The following HS1BP3 variants were observed in gnomAD, a reference collection of about 807,000 sequenced individuals.
The protein encoded by HS1BP3 is HCLS1-binding protein 3.
In HS1BP3, 32 loss-of-function variants were observed where a neutral mutation model predicts 33.5. The ratio of observed to expected loss-of-function variants is 0.95; its 90% CI spans 0.72 to 1.28. The LOEUF (loss-of-function observed/expected upper bound fraction) is 1.28. Among genes scored for constraint, HS1BP3 ranks in the 50% most tolerant of loss-of-function variants. The pLI is 0.00. For missense variants in HS1BP3, 486 were observed against 502.3 expected (o/e 0.97, Z 0.31); for synonymous variants, 187 against 209.2 (o/e 0.89, Z 0.92).
At position 20,651,090 on chromosome 2, in the gene HS1BP3, C is replaced by T. The variant is rs1339750351; in HGVS notation, c.-27G>A. The T allele has an allele frequency of 2.4e-6, 3 of 1,228,700 alleles. No individual in the cohort carries two copies. The highest frequency in any genetic ancestry group is 1.6e-5 in the African/African-American group (1 of 64,396). The allele number at this position is 1,228,700 out of a possible 1,614,324, so 76.1% of individuals were successfully genotyped here. On this transcript the variant is annotated 5_prime_UTR_variant, in exon 1 of 7. Transcript: ENST00000304031. Reference sequence around the variant, plus strand: ...ACGGCGGCGGGGACTCCGGGCGGGGCGCGCAGTCACGGGACCCGGCAGTGC... The same window carrying T: ...ACGGCGGCGGGGACTCCGGGCGGGGTGCGCAGTCACGGGACCCGGCAGTGC...
At chr2:20,588,747 G>A (rs1341726732), downstream of HS1BP3, among the ~76,000 whole-genome samples, 2 of 152,214 alleles carry the variant, frequency 1.3e-5, no homozygotes, top group Non-Finnish European at 2.9e-5. Flanking sequence ...TGGCCTGTCA[G>A]TACCATCTCA....
the HS1BP3 span, among the ~76,000 whole-genome samples, chr2:20,554,897 A>C: frequency 1.7e-4 from 26 of 152,298 alleles, no homozygotes; most frequent in Non-Finnish European, 3.1e-4. Context: ...CACTGCCTTC[A>C]GGACAGAGCT....
At chr2:20,603,639 A>G (rs1694114606) in intron 2 of HS1BP3, among the ~76,000 whole-genome samples, 1 of 152,256 alleles carries the variant, frequency 6.6e-6, no homozygotes, top group Non-Finnish European at 1.5e-5. Context: ...TTTAGAAGTG[A>G]TGAAAATATA....
intron 2 of HS1BP3, among the ~76,000 whole-genome samples, chr2:20,642,036 C>T (rs1393120833): frequency 2.0e-5 from 3 of 152,220 alleles, no homozygotes; most frequent in Admixed American, 2.0e-4. Flanking sequence ...GGCACCTACC[C>T]TCACTCCTAG....
chr2:20,624,772 C>T lies in HS1BP3; in HGVS notation c.744G>A (p.Leu248=), dbSNP rs769617051. 66 of 1,612,410 alleles carry T rather than the reference C, an allele frequency of 4.1e-5. No individual in the cohort carries two copies. The highest frequency in any genetic ancestry group is 4.7e-5 in the Non-Finnish European group (55 of 1,179,090). ...CGTCCTCCGAGGGGTCCTGTGGAGA[C>T]AGCTTCCTGCCCGGGCCAAAGAGCC... is the stretch of plus-strand genomic sequence containing the variant. The part of the protein sequence containing the change: ...DEGLFGPGRK[L]SPQDPSEDVS... The change falls in exon 5 of 7, where the codon CTG becomes CTA. Residue 248 remains leucine (L), a synonymous_variant. Coordinates refer to ENST00000304031, the MANE Select transcript of HS1BP3 (RefSeq NM_022460.4).
chr2:20,606,265 G>A lies in HS1BP3; in HGVS notation c.179-8000C>T, dbSNP rs1369993623. On this transcript the variant is annotated intron_variant, in intron 2 of 3. Transcript: ENST00000415264. ...AAAGTTTTATTTTTCTAAATGTACA[G>A]TTGGTTGGACCTGTTCATGCGTCTT... The A allele has an allele frequency of 2.9e-5, 9 of 310,210 alleles. No individual in the cohort carries two copies. In the East Asian group the frequency reaches 3.0e-4, roughly 10 times the overall value. The allele number at this position is 310,210 out of a possible 1,614,324, so 19.2% of individuals were successfully genotyped here. A position where few individuals can be genotyped will look rare whatever the true frequency, so the allele number is the denominator to read the frequency against.
intron 4 of HS1BP3, among the ~76,000 whole-genome samples, chr2:20,627,827 A>G (rs1453575193): frequency 1.3e-5 from 2 of 152,144 alleles, no homozygotes; most frequent in East Asian, 1.9e-4. Context: ...GAGCGGCCCA[A>G]AACTTTCAGC....
At chr2:20,624,233 T>C (rs770475060) in intron 5 of HS1BP3, among the ~76,000 whole-genome samples, 2 of 152,104 alleles carry the variant, frequency 1.3e-5, no homozygotes, top group Non-Finnish European at 2.9e-5. Context: ...GCCCTCGGGA[T>C]AGGGACTAGG....
At chr2:20,635,620 T>C (rs894294583) in intron 4 of HS1BP3, 1 of 152,172 alleles carries the variant, frequency 6.6e-6, no homozygotes, top group Non-Finnish European at 1.5e-5. Flanking sequence ...CACCGTGACA[T>C]TCTAAAATAG....
chr2:20,575,740 G>A (rs1405022254), intron 5 of HS1BP3, among the ~76,000 whole-genome samples: 1 of 124,836 alleles, frequency 8.0e-6, no homozygotes, highest in Non-Finnish European at 1.7e-5. Flanking sequence ...TGGCAGCAAC[G>A]CCTCTGTCTC....
chr2:20,613,804 CA>C (rs766509205), downstream of HS1BP3, among the ~76,000 whole-genome samples: 11 of 152,236 alleles, frequency 7.2e-5, no homozygotes, highest in Admixed American at 1.3e-4. Context: ...AGGGATGGCA[CA>C]GGGGGCATGC....
chr2:20,634,400 G>T (rs185812161), intron 4 of HS1BP3, among the ~76,000 whole-genome samples: 2 of 152,240 alleles, frequency 1.3e-5, no homozygotes, highest in Admixed American at 6.5e-5. Context: ...GCTTTCAGTG[G>T]CCCAGAATCC....
chr2:20,598,168 A>G (rs1450520020), intron 3 of HS1BP3: 1 of 264,468 alleles, frequency 3.8e-6, no homozygotes, highest in Non-Finnish European at 8.2e-6. Context: ...TTCTATTATT[A>G]TTACGTTGTA....
In HS1BP3 at chr2:20,641,037, C is replaced by G. The variant is rs1036704243; in HGVS notation, c.342G>C (p.Glu114Asp). The change falls in exon 3 of 7, where the codon GAG becomes GAC. Residue 114 changes from glutamate to aspartate, a missense_variant. Glu to Asp is a conservative substitution (Grantham distance 45, BLOSUM62 2). Transcript: ENST00000304031. The part of the protein sequence containing the change: ...DIRERRAVFN[E>D]ILRCVSKDAE... ...CATCCTTGGAGACACAGCGCAGGAT[C>G]TCATTGAACACGGCTCTCCTCTCCC... 4 of 1,614,106 alleles carry G rather than the reference C, an allele frequency of 2.5e-6. No individual in the cohort carries two copies. In the African/African-American group the frequency reaches 4.0e-5, roughly 16 times the overall value.
At chr2:20,588,727 C>A (rs1298530808), downstream of HS1BP3, among the ~76,000 whole-genome samples, 1 of 152,242 alleles carries the variant, frequency 6.6e-6, no homozygotes, top group Non-Finnish European at 1.5e-5. Context: ...AGCCCCTCTG[C>A]CCTCCTCTCT....
At chr2:20,594,699 C>A (rs1227998474) in intron 3 of HS1BP3, among the ~76,000 whole-genome samples, 1 of 152,128 alleles carries the variant, frequency 6.6e-6, no homozygotes, top group Non-Finnish European at 1.5e-5. Context: ...AACAAAATAC[C>A]GTGGATGGGG....
intron 5 of HS1BP3, among the ~76,000 whole-genome samples, chr2:20,572,374 C>G (rs1031744470): frequency 1.3e-5 from 2 of 152,252 alleles, no homozygotes; most frequent in Admixed American, 6.5e-5. Context: ...TGACTCAGGT[C>G]TTCGTGTAGC....
intron 5 of HS1BP3, among the ~76,000 whole-genome samples, chr2:20,584,469 C>A (rs1693632315): frequency 6.6e-6 from 1 of 152,240 alleles, no homozygotes; most frequent in South Asian, 2.1e-4. Flanking sequence ...CCATTGTGCA[C>A]CACTTCTGCC....
At chr2:20,628,149 C>G (rs942579499) in intron 4 of HS1BP3, among the ~76,000 whole-genome samples, 1 of 152,216 alleles carries the variant, frequency 6.6e-6, no homozygotes, top group Non-Finnish European at 1.5e-5. Flanking sequence ...ATGAGCAACT[C>G]ATTCCTTCCC....
Sources: gnomAD v4.1 joint callset for allele counts (sites outside exome capture counted in the v4.1 genomes callset) on GRCh38, gnomAD v4.1.1 for gene constraint, MANE v1.5 for transcripts, NCBI Gene and HGNC (gene_info 2026-07-23, HGNC 2026-07-21) for gene names.